The following PPP6R2 variants were observed in gnomAD, a reference collection of about 807,000 sequenced individuals.
The protein encoded by PPP6R2 is protein phosphatase 6 regulatory subunit 2, also known as serine/threonine-protein phosphatase 6 regulatory subunit 2.
In PPP6R2, 62 loss-of-function variants were observed where a neutral mutation model predicts 100.2. That is an observed-to-expected ratio of 0.62 (90% CI 0.50 to 0.76). The LOEUF is 0.76. Among genes scored for constraint, PPP6R2 ranks in the 30% least tolerant of loss-of-function variants. The pLI, the probability that PPP6R2 is intolerant of heterozygous loss-of-function variation, is 0.00. For missense variants in PPP6R2, 1,142 were observed against 1,276.3 expected, an observed-to-expected ratio of 0.89 and a Z score of 1.60; for synonymous variants, 525 against 514.7, an observed-to-expected ratio of 1.02 and a Z score of -0.27.
chr22:50,405,766 G>A (rs528589774), intron 3 of PPP6R2, among the ~76,000 whole-genome samples: 35 of 132,250 alleles, frequency 2.6e-4, no homozygotes, highest in African/African-American at 9.9e-4. Flanking sequence ...GTGAAGGCCT[G>A]GAGAGAGGTG....
At chr22:50,439,679 C>T in intron 19 of PPP6R2, 22 bp from the exon 20 acceptor site, 1 of 1,551,962 alleles carries the variant, frequency 6.4e-7, no homozygotes, top group East Asian at 2.4e-5. Flanking sequence ...CACGCCTGAC[C>T]ACTGTGTCTC....
At position 50,406,863 on chromosome 22, in the gene PPP6R2, A is replaced by G. The variant is rs1213302390; in HGVS notation, c.402A>G (p.Arg134=). Residue 134 remains arginine, a synonymous_variant, in exon 4 of 24, where the codon AGA becomes AGG. Coordinates refer to ENST00000612753, the MANE Select transcript of PPP6R2 (RefSeq NM_001242898.2). ...FSKTIGNLIA[R]KTEQVITFLK... is the part of the protein sequence containing the mutation. Reference sequence around the variant, plus strand: ...AGACCATTGGCAATCTCATTGCAAGAAAAACCGAACAGGTAAATCACGTGC... The same window carrying G: ...AGACCATTGGCAATCTCATTGCAAGGAAAACCGAACAGGTAAATCACGTGC... 3.7e-6 allele frequency: 6 copies of G among 1,613,786 alleles called. No homozygotes were observed. The highest frequency in any genetic ancestry group is 1.7e-5 in the Admixed American group (1 of 60,002).
chr22:50,337,739 T>C, the PPP6R2 span, among the ~76,000 whole-genome samples: 1 of 144,822 alleles, frequency 6.9e-6, no homozygotes, highest in East Asian at 2.1e-4. Flanking sequence ...GTATGTAGTG[T>C]GTGTGGTATG....
chr22:50,361,267 C>T (rs1343980379), intron 1 of PPP6R2, among the ~76,000 whole-genome samples: 1 of 152,200 alleles, frequency 6.6e-6, no homozygotes, highest in African/African-American at 2.4e-5. Context: ...CATATGGAGA[C>T]TGAGAACATG....
At chr22:50,397,212 A>G (rs1429153796) in intron 3 of PPP6R2, among the ~76,000 whole-genome samples, 1 of 152,154 alleles carries the variant, frequency 6.6e-6, no homozygotes, top group Non-Finnish European at 1.5e-5. Context: ...AGGTCAGGAT[A>G]TCCATTTAAA....
rs2056194714 is a variant in PPP6R2 at position 50,393,990 on chromosome 22, A to G, written c.82A>G (p.Met28Val). The change falls in exon 3 of 24, where the codon ATG becomes GTG. Residue 28 changes from methionine (M) to valine (V), a missense_variant. Physicochemically the swap from Met to Val is conservative, Grantham distance 21. This residue lies in a region of PPP6R2 where 592 missense variants were observed against 758.9 expected (regional missense o/e 0.78). Transcript: ENST00000612753. ...DKEHVTLQEL[M>V]DEDDILQECK... Reference sequence around the variant, plus strand: ...GGAGCATGTGACGCTGCAGGAGTTAATGGATGAAGATGACATCTTGCAGGA... The same window carrying G: ...GGAGCATGTGACGCTGCAGGAGTTAGTGGATGAAGATGACATCTTGCAGGA... 1 of 1,614,190 alleles carries G rather than the reference A, an allele frequency of 6.2e-7. No homozygotes were observed.
intron 14 of PPP6R2, 57 bp downstream of exon 14, chr22:50,436,509 A>G (rs1327377410): frequency 1.3e-6 from 2 of 1,514,784 alleles, no homozygotes; most frequent in Non-Finnish European, 9.0e-7. Flanking sequence ...ACGCCGTCAG[A>G]CGCTCCTGCC....
chr22:50,396,489 C>T (rs1454727007), intron 3 of PPP6R2, among the ~76,000 whole-genome samples: 33 of 136,710 alleles, frequency 2.4e-4, no homozygotes, highest in Admixed American at 5.2e-4. Flanking sequence ...AGTGAGACTC[C>T]GTCTCAAAAA....
chr22:50,407,046 A>T (rs1352473570), intron 4 of PPP6R2, among the ~76,000 whole-genome samples, 171 bp downstream of exon 4: 1 of 152,004 alleles, frequency 6.6e-6, no homozygotes, highest in Non-Finnish European at 1.5e-5. Flanking sequence ...TGGGAGCTGG[A>T]ATTTGAAAGA....
Position 50,422,237 on chromosome 22 carries a change from G to A in PPP6R2, c.846-17G>A. 1 of 1,611,248 alleles carries A rather than the reference G, an allele frequency of 6.2e-7. No individual in the cohort carries two copies. Among genetic ancestry groups the A allele is most frequent in the Non-Finnish European group, 8.5e-7 (1 of 1,177,966 alleles). ...GTCCTGGTGTCCCCGGTCTCCATCT[G>A]CTTTCCTCATCCACAGGACAGAGGG... On this transcript the variant is annotated splice_polypyrimidine_tract_variant and intron_variant, in intron 8 of 23. Coordinates refer to ENST00000612753, the MANE Select transcript of PPP6R2 (RefSeq NM_001242898.2).
At chr22:50,353,666 C>T (rs1432363421) in intron 1 of PPP6R2, among the ~76,000 whole-genome samples, 2 of 152,194 alleles carry the variant, frequency 1.3e-5, no homozygotes, top group South Asian at 4.1e-4. Flanking sequence ...GTAGAAAGCA[C>T]ATTACCTGCG....
chr22:50,422,678 G>T (rs1475394044), intron 9 of PPP6R2, among the ~76,000 whole-genome samples: 2 of 152,336 alleles, frequency 1.3e-5, no homozygotes, highest in East Asian at 1.9e-4. Context: ...CGGCTCCTGA[G>T]AGGGGACCAG....
chr22:50,436,581 C>A, intron 14 of PPP6R2, 129 bp downstream of exon 14: 2 of 867,186 alleles, frequency 2.3e-6, no homozygotes, highest in South Asian at 1.6e-5. Flanking sequence ...CTCCTCTTGA[C>A]TATGCGGTGC....
chr22:50,406,751 G>A lies in PPP6R2; in HGVS notation c.290G>A (p.Gly97Asp). ...GTGCCGCAGATCAGCGACCGCCTCG[G>A]TGGGGACGAGAGCCTGCTGAGCCTC... is the stretch of plus-strand genomic sequence containing the variant. ...CDVPQISDRLGGDESLLSLLY... is the reference protein window; with the variant it reads ...CDVPQISDRLDGDESLLSLLY... Residue 97 changes from glycine to aspartate, a missense_variant, in exon 4 of 24, where the codon GGT (glycine) becomes GAT (aspartate). By Grantham distance (94) the Gly-to-Asp change is moderately conservative. Coordinates refer to ENST00000612753, the MANE Select transcript of PPP6R2 (RefSeq NM_001242898.2). The A allele has an allele frequency of 2.5e-6, 4 of 1,614,116 alleles. No individual in the cohort carries two copies. Among genetic ancestry groups the A allele is most frequent in the Non-Finnish European group, 3.4e-6 (4 of 1,179,994 alleles).
At chr22:50,336,130 G>A in the PPP6R2 span, among the ~76,000 whole-genome samples, 1 of 151,496 alleles carries the variant, frequency 6.6e-6, no homozygotes, top group African/African-American at 2.4e-5. Flanking sequence ...GATTACAGAC[G>A]CCTGCCACCA....
chr22:50,414,202 C>G (rs1447102576), intron 4 of PPP6R2, among the ~76,000 whole-genome samples: 1 of 152,080 alleles, frequency 6.6e-6, no homozygotes, highest in Non-Finnish European at 1.5e-5. Flanking sequence ...TCTGTCTATA[C>G]CATTCGTTTC....
At chr22:50,432,695 G>A (rs776433752) in intron 12 of PPP6R2, among the ~76,000 whole-genome samples, 2 of 152,236 alleles carry the variant, frequency 1.3e-5, no homozygotes, top group African/African-American at 2.4e-5. Context: ...CGTTATTTTG[G>A]TCTTTCCATC....
At chr22:50,347,575 T>G (rs1420497722) in intron 1 of PPP6R2, among the ~76,000 whole-genome samples, 1 of 152,008 alleles carries the variant, frequency 6.6e-6, no homozygotes, top group Non-Finnish European at 1.5e-5. Context: ...CCCTACCTGC[T>G]TTGTCCACTC....
chr22:50,333,448 T>C, the PPP6R2 span, among the ~76,000 whole-genome samples: 1 of 151,952 alleles, frequency 6.6e-6, no homozygotes, highest in Admixed American at 6.6e-5. Context: ...GCCATTCTCC[T>C]GCCTCAGCCT....
Sources: allele counts gnomAD v4.1 joint callset (sites outside exome capture counted in the v4.1 genomes callset), GRCh38; gene constraint gnomAD v4.1.1; regional missense constraint gnomAD v4.1.1; transcripts MANE v1.5; gene names NCBI Gene and HGNC (gene_info 2026-07-23, HGNC 2026-07-21).